Variants in PDE8B observed in about 807,000 individuals in gnomAD.
PDE8B encodes the protein high affinity cAMP-specific and IBMX-insensitive 3',5'-cyclic phosphodiesterase 8B.
In PDE8B, 26 loss-of-function variants were observed where a neutral mutation model predicts 101.3. The observed-to-expected ratio is 0.26, with a 90% confidence interval of 0.19 to 0.36. The LOEUF (loss-of-function observed/expected upper bound fraction) is 0.36, where lower values mean the gene tolerates loss of function less well. Ranked by LOEUF, PDE8B falls within the 10% of genes least tolerant of loss-of-function variation. The pLI, the probability that PDE8B is intolerant of heterozygous loss-of-function variation, is 1.00. For synonymous variants in PDE8B, 424 were observed against 429.3 expected (o/e 0.99, Z 0.15); for missense variants, 810 against 1,163.1 (o/e 0.70, Z 4.42).
chr5:77,128,296 T>TA, the PDE8B span, among the ~76,000 whole-genome samples: 5 of 152,222 alleles, frequency 3.3e-5, no homozygotes, highest in African/African-American at 1.2e-4. Flanking sequence ...GTTCTTCTCT[T>TA]ACAGTGACCG....
chr5:77,140,992 A>C, the PDE8B span: 1 of 152,058 alleles, frequency 6.6e-6, no homozygotes, highest in Non-Finnish European at 1.5e-5. Context: ...ATATAAAAAA[A>C]TTTTCTCTGT....
chr5:77,310,151 A>G (rs1391843748), intron 1 of PDE8B, among the ~76,000 whole-genome samples: 2 of 151,956 alleles, frequency 1.3e-5, no homozygotes, highest in Admixed American at 6.5e-5. Flanking sequence ...GGGTTTCACC[A>G]TGTTGGCTAG....
the PDE8B span, among the ~76,000 whole-genome samples, chr5:77,192,185 G>T: frequency 6.6e-6 from 1 of 152,286 alleles, no homozygotes; most frequent in East Asian, 1.9e-4. Context: ...ATGGCCCAGG[G>T]GTTGGGGACT....
chr5:77,356,587 G>T (rs1407780848), intron 10 of PDE8B, among the ~76,000 whole-genome samples: 2 of 152,066 alleles, frequency 1.3e-5, no homozygotes, highest in African/African-American at 4.8e-5. Context: ...GCGCCACAGT[G>T]CCTGGCTAAT....
chr5:77,137,957 A>G, the PDE8B span, among the ~76,000 whole-genome samples: 2 of 152,186 alleles, frequency 1.3e-5, no homozygotes, highest in African/African-American at 4.8e-5. Flanking sequence ...GGAAATAAGC[A>G]TGGTTGCCAA....
chr5:77,123,617 G>A, the PDE8B span, among the ~76,000 whole-genome samples: 2 of 152,098 alleles, frequency 1.3e-5, no homozygotes, highest in African/African-American at 4.8e-5. Context: ...AAATTAGCTG[G>A]GTGTGGTGGT....
At chr5:77,307,289 C>T (rs1235913617) in intron 1 of PDE8B, among the ~76,000 whole-genome samples, 1 of 152,120 alleles carries the variant, frequency 6.6e-6, no homozygotes, top group African/African-American at 2.4e-5. Flanking sequence ...TATTCTTCAC[C>T]ACCTGCCTGC....
chr5:77,244,946 A>C (rs1756561372), intron 1 of PDE8B, among the ~76,000 whole-genome samples: 1 of 152,216 alleles, frequency 6.6e-6, no homozygotes, highest in Non-Finnish European at 1.5e-5. Flanking sequence ...AGGAGAGGCA[A>C]GACCCTAGCT....
At chr5:77,178,218 T>G in the PDE8B span, among the ~76,000 whole-genome samples, 2 of 152,190 alleles carry the variant, frequency 1.3e-5, no homozygotes, top group Non-Finnish European at 2.9e-5. Flanking sequence ...CCTTTATCCT[T>G]CCTCATCATC....
chr5:77,179,347 T>C, the PDE8B span, among the ~76,000 whole-genome samples: 1 of 152,172 alleles, frequency 6.6e-6, no homozygotes, highest in Non-Finnish European at 1.5e-5. Context: ...TTGTTGTTGG[T>C]CTTGGTTTTG....
At chr5:77,400,099 T>C in intron 10 of PDE8B, 149 bp from the exon 11 acceptor site, 1 of 653,720 alleles carries the variant, frequency 1.5e-6, no homozygotes, top group Non-Finnish European at 2.8e-6. Flanking sequence ...CCACTTGGTG[T>C]ATGTCTTTCA....
the PDE8B span, among the ~76,000 whole-genome samples, chr5:77,186,804 G>C: frequency 6.6e-5 from 10 of 152,108 alleles, no homozygotes; most frequent in African/African-American, 2.4e-4. Flanking sequence ...ACCATAGTGC[G>C]CAGAGGGGAG....
intron 1 of PDE8B, among the ~76,000 whole-genome samples, chr5:77,296,130 C>T (rs921990638): frequency 9.9e-5 from 15 of 151,576 alleles, no homozygotes; most frequent in Non-Finnish European, 2.1e-4. Flanking sequence ...TACCTGTCCT[C>T]CTCTTCTTCC....
At chr5:77,185,729 A>T in the PDE8B span, among the ~76,000 whole-genome samples, 1 of 150,818 alleles carries the variant, frequency 6.6e-6, no homozygotes. Context: ...CTGTCCCCCC[A>T]CCCCCTGCCA....
intron 16 of PDE8B, 48 bp downstream of exon 16, chr5:77,412,283 T>C: frequency 6.2e-7 from 1 of 1,601,366 alleles, no homozygotes; most frequent in Non-Finnish European, 8.5e-7. Context: ...ATGGCCATGC[T>C]CAAACTCTCA....
intron 8 of PDE8B, among the ~76,000 whole-genome samples, chr5:77,350,154 T>G (rs967653551): frequency 2.0e-5 from 3 of 152,208 alleles, no homozygotes; most frequent in African/African-American, 4.8e-5. Context: ...CATTTTCTGT[T>G]AAGCATTCAG....
chr5:77,160,008 T>C, the PDE8B span, among the ~76,000 whole-genome samples: 4 of 152,172 alleles, frequency 2.6e-5, no homozygotes, highest in South Asian at 8.3e-4. Flanking sequence ...CACAGACACA[T>C]AACAGAGGCA....
At chr5:77,226,143 A>C (rs1165763031) in intron 1 of PDE8B, among the ~76,000 whole-genome samples, 3 of 151,824 alleles carry the variant, frequency 2.0e-5, no homozygotes. Context: ...GTCTTCTTTA[A>C]TGTTTAGTTT....
intron 1 of PDE8B, among the ~76,000 whole-genome samples, chr5:77,294,687 G>A (rs1036640125): frequency 3.3e-5 from 5 of 150,676 alleles, no homozygotes; most frequent in African/African-American, 1.2e-4. Context: ...AAGGAAGGTC[G>A]AACTGGAAGA....
Sources: gnomAD v4.1 joint callset for allele counts (sites outside exome capture counted in the v4.1 genomes callset) on GRCh38, gnomAD v4.1.1 for gene constraint, MANE v1.5 for transcripts, NCBI Gene and HGNC (gene_info 2026-07-23, HGNC 2026-07-21) for gene names.